Variants in RAI14 observed in about 807,000 individuals in gnomAD.
The protein encoded by RAI14 is ankycorbin.
Under a neutral mutation model 115.4 loss-of-function variants are expected in RAI14, and 45 were observed. The observed-to-expected ratio is 0.39, with a 90% CI of 0.31 to 0.50. The LOEUF is 0.50. Among genes scored for constraint, RAI14 ranks in the 20% least tolerant of loss-of-function variants. The pLI, the probability that RAI14 is intolerant of heterozygous loss-of-function variation, is 0.85. For missense variants in RAI14, 939 were observed against 1,131.2 expected (o/e 0.83, Z 2.44); for synonymous variants, 371 against 415.4 (o/e 0.89, Z 1.30).
In RAI14 at chr5:34,824,555, A is replaced by G. The variant is rs1011535984; in HGVS notation, c.2649+64A>G. On this transcript the variant is annotated intron_variant, in intron 15 of 17. Transcript: ENST00000265109. ...AGTCTTAGTCTCTTTGGCTTTTACT[A>G]TATTAAATATTTCTAGTGTTGGCAC... 6.2e-6 allele frequency: 8 copies of G among 1,299,208 alleles called. No individual in the cohort carries two copies. The African/African-American group carries it at 7.5e-5, about 12-fold the overall frequency. 80.5% of individuals were successfully genotyped at this position (1,299,208 alleles called of 1,614,324 possible).
At chr5:34,807,540 A>C (rs1300578102) in intron 5 of RAI14, among the ~76,000 whole-genome samples, 1 of 152,080 alleles carries the variant, frequency 6.6e-6, no homozygotes, top group African/African-American at 2.4e-5. Flanking sequence ...TATGTCTATT[A>C]GCTGGTGGGG....
chr5:34,710,591 CTT>C (rs947228864), intron 2 of RAI14, among the ~76,000 whole-genome samples: 2 of 152,110 alleles, frequency 1.3e-5, no homozygotes, highest in African/African-American at 4.8e-5. Flanking sequence ...TGTTTCCAAA[CTT>C]TGTTGATGAT....
intron 1 of RAI14, among the ~76,000 whole-genome samples, chr5:34,672,120 C>T (rs1238713368): frequency 6.6e-6 from 1 of 152,030 alleles, no homozygotes; most frequent in African/African-American, 2.4e-5. Flanking sequence ...AAATCCATAT[C>T]TCTACTTTTG....
chr5:34,774,295 C>T (rs570372551), intron 3 of RAI14, among the ~76,000 whole-genome samples: 3 of 152,082 alleles, frequency 2.0e-5, no homozygotes, highest in Non-Finnish European at 4.4e-5. Flanking sequence ...CTCTTGAACC[C>T]GAGAGGCAGA....
rs946406180 is a variant in RAI14, at chr5:34,831,785, A to G, written c.*1020A>G. 6.6e-6 allele frequency: 1 copy of G among 152,186 alleles called. No individual in the cohort carries two copies. The highest frequency in any genetic ancestry group is 1.5e-5 in the Non-Finnish European group (1 of 68,034). The allele number at this position is 152,186 out of a possible 1,614,324, so 9.4% of individuals were successfully genotyped here. A position where few individuals can be genotyped will look rare whatever the true frequency, so the allele number is the denominator to read the frequency against. ...AGCAAAAGGTAGTTATGTATGCCAG[A>G]CCTAATATGAGCTGCCACCAACACC... On this transcript the variant is annotated 3_prime_UTR_variant, in exon 18 of 18. Transcript: ENST00000265109.
chr5:34,732,637 C>CAA (rs1744347393), intron 2 of RAI14, among the ~76,000 whole-genome samples: 1 of 151,434 alleles, frequency 6.6e-6, no homozygotes, highest in Non-Finnish European at 1.5e-5. Flanking sequence ...TGGGGTTTTG[C>CAA]CACGTTGGCC....
Position 34,813,465 on chromosome 5 carries a change from A to G in RAI14, c.766-109A>G, listed in dbSNP as rs932670803. 9.6e-6 allele frequency: 6 copies of G among 622,942 alleles called. No homozygotes were observed. The Admixed American group carries it at 2.0e-4, about 21-fold the overall frequency. The allele number at this position is 622,942 out of a possible 1,614,324, so 38.6% of individuals were successfully genotyped here. A position where few individuals can be genotyped will look rare whatever the true frequency, so the allele number is the denominator to read the frequency against. On this transcript the variant is annotated intron_variant, in intron 10 of 17. Coordinates refer to ENST00000265109, the MANE Select transcript of RAI14 (RefSeq NM_015577.3). ...AGATTTCAGATTTTGATAAAGTAAG[A>G]AATGTATGAACTTTTGAGGTTTTTC...
chr5:34,793,042 G>A lies in RAI14; in HGVS notation c.168-2897G>A, dbSNP rs576315764. Among the ~76,000 whole-genome samples, 11 of 152,292 alleles carry A rather than the reference G, an allele frequency of 7.2e-5. No individual in the cohort carries two copies. In the East Asian group the frequency reaches 1.2e-3, roughly 16 times the overall value. ...TCGCTATCACACGATTTATTAAAGC[G>A]TATGCAATGAAGCTTTAACTAACTG... is the stretch of plus-strand genomic sequence containing the variant. On this transcript the variant is annotated intron_variant, in intron 3 of 17. Transcript: ENST00000265109.
At chr5:34,786,010 G>T (rs1489242570) in intron 3 of RAI14, among the ~76,000 whole-genome samples, 4 of 152,200 alleles carry the variant, frequency 2.6e-5, no homozygotes, top group African/African-American at 9.6e-5. Flanking sequence ...CTTTTGCAGG[G>T]TTCCCGAGGC....
chr5:34,831,025 G>T lies in RAI14; in HGVS notation c.*260G>T. On this transcript the variant is annotated 3_prime_UTR_variant, in exon 18 of 18. Transcript: ENST00000265109. The stretch of plus-strand genomic sequence containing the variant: ...GAGCTGGGATCAGCCATGCCCAGAG[G>T]TCTGGTCCTGATGCTGGCAGGGGGG... The T allele has an allele frequency of 1.9e-6, 1 of 529,626 alleles. No individual in the cohort carries two copies. Among genetic ancestry groups the T allele is most frequent in the African/African-American group, 2.0e-5 (1 of 50,708 alleles). 32.8% of individuals were successfully genotyped at this position (529,626 alleles called of 1,614,324 possible). A position where few individuals can be genotyped will look rare whatever the true frequency, so the allele number is the denominator to read the frequency against.
chr5:34,806,621 G>A (rs540889236), intron 5 of RAI14, among the ~76,000 whole-genome samples: 38 of 152,220 alleles, frequency 2.5e-4, no homozygotes, highest in African/African-American at 8.9e-4. Flanking sequence ...GTCGGGGAAG[G>A]GGGTGGAGGA....
chr5:34,803,426 G>C (rs1464446283), intron 4 of RAI14, among the ~76,000 whole-genome samples: 1 of 152,076 alleles, frequency 6.6e-6, no homozygotes, highest in East Asian at 1.9e-4. Context: ...CATGCTATTT[G>C]GGAGGCTATA....
At chr5:34,716,240 A>G (rs1310075829) in intron 2 of RAI14, 1 of 331,542 alleles carries the variant, frequency 3.0e-6, no homozygotes, top group African/African-American at 2.2e-5. Context: ...AAATTTGTAC[A>G]TGATAATCTA....
chr5:34,756,481 G>C (rs1747892776), intron 2 of RAI14, among the ~76,000 whole-genome samples: 1 of 152,200 alleles, frequency 6.6e-6, no homozygotes. Context: ...AGTGGGCTTA[G>C]CTCAGGGGCC....
intron 1 of RAI14, among the ~76,000 whole-genome samples, chr5:34,662,383 C>A (rs1024031558): frequency 2.0e-5 from 3 of 152,178 alleles, no homozygotes; most frequent in African/African-American, 7.2e-5. Context: ...TAGAAGCCAA[C>A]TGAATTTTTT....
At chr5:34,712,451 A>G (rs1741510010) in intron 2 of RAI14, among the ~76,000 whole-genome samples, 1 of 152,170 alleles carries the variant, frequency 6.6e-6, no homozygotes, top group East Asian at 1.9e-4. Flanking sequence ...CTTTCAGTTG[A>G]CACGTGCATG....
intron 9 of RAI14, 47 bp downstream of exon 9, chr5:34,811,992 AT>A (rs770658907): frequency 2.0e-6 from 3 of 1,476,928 alleles, no homozygotes; most frequent in Non-Finnish European, 1.9e-6. Flanking sequence ...TATCCACTCC[AT>A]TTTCCCCAAA....
intron 2 of RAI14, among the ~76,000 whole-genome samples, chr5:34,731,451 T>C (rs1237155420): frequency 6.6e-6 from 1 of 152,244 alleles, no homozygotes; most frequent in Non-Finnish European, 1.5e-5. Flanking sequence ...ATTAAACATC[T>C]GTGTATTTGT....
At chr5:34,701,468 C>A (rs1173331296) in intron 2 of RAI14, among the ~76,000 whole-genome samples, 2 of 152,180 alleles carry the variant, frequency 1.3e-5, no homozygotes, top group Non-Finnish European at 1.5e-5. Flanking sequence ...TGTAAGACTT[C>A]AAAAGAACTT....
Sources: allele counts gnomAD v4.1 joint callset (sites outside exome capture counted in the v4.1 genomes callset), GRCh38; gene constraint gnomAD v4.1.1; transcripts MANE v1.5; gene names NCBI Gene and HGNC (gene_info 2026-07-23, HGNC 2026-07-21).